MUC5AC: variants seen among roughly 807,000 people sequenced by gnomAD.
MUC5AC encodes the protein mucin 5AC, oligomeric mucus/gel-forming.
Under a neutral mutation model 169.7 loss-of-function variants are expected in MUC5AC, and 158 were observed. The ratio of observed to expected loss-of-function variants is 0.93; its 90% CI spans 0.82 to 1.06. MUC5AC has a LOEUF of 1.06. MUC5AC is among the 50% of genes least tolerant of loss of function. The pLI, the probability that MUC5AC is intolerant of heterozygous loss-of-function variation, is 0.00. For missense variants in MUC5AC, 4,359 were observed against 3,089.9 expected, an observed-to-expected ratio of 1.41 and a Z score of -9.74; for synonymous variants, 1,975 against 1,237.0, an observed-to-expected ratio of 1.60 and a Z score of -12.52.
rs1860950112 is a variant in MUC5AC at position 1,186,495 on chromosome 11, C to T, written c.8350C>T (p.Pro2784Ser). 2 of 694,894 alleles carry T rather than the reference C, an allele frequency of 2.9e-6. No homozygotes were observed. Among genetic ancestry groups the T allele is most frequent in the Non-Finnish European group, 5.3e-6 (2 of 380,656 alleles). 43.0% of individuals were successfully genotyped at this position (694,894 alleles called of 1,614,324 possible). ...SATTTSTISA[P>S]TTSTTLSPTT... is the part of the protein sequence containing the mutation. Reference sequence around the variant, plus strand: ...TACTACAACCAGCACAATCTCTGCCCCTACAACCAGCACAACTTTGTCTCC... The same window carrying T: ...TACTACAACCAGCACAATCTCTGCCTCTACAACCAGCACAACTTTGTCTCC... Residue 2784 changes from proline to serine, a missense_variant, in exon 31 of 49, where the codon CCT becomes TCT. Transcript: ENST00000621226.
intron 16 of MUC5AC, among the ~76,000 whole-genome samples, chr11:1,173,097 CTCACTCAT>C (rs1221897175): frequency 6.7e-5 from 9 of 133,566 alleles, no homozygotes; most frequent in East Asian, 2.1e-4. Context: ...CACTCACTCA[CTCACTCAT>C]TCATTCACTC....
Position 1,168,030 on chromosome 11 carries a change from G to T in MUC5AC, c.1497+43G>T, listed in dbSNP as rs937257949. On this transcript the variant is annotated intron_variant, in intron 12 of 48. Transcript: ENST00000621226. ...GGGCAAACCCCGGGAAGAGGGAAGG[G>T]GCCTGTCTCTTCTGCAAGTCACCTC... 4.0e-6 allele frequency: 6 copies of T among 1,494,830 alleles called. No homozygotes were observed. In the African/African-American group the frequency reaches 7.0e-5, roughly 17 times the overall value. The allele number at this position is 1,494,830 out of a possible 1,614,324, so 92.6% of individuals were successfully genotyped here.
In MUC5AC at chr11:1,188,985, C is replaced by T. The variant is rs1360970204; in HGVS notation, c.10840C>T (p.Arg3614Cys). ...CAAGATGTGCCTCAACTACGAGGTGCGTGTGCTTTGCTGCGAGACCCCCAA... is the reference window on the plus strand; with the variant it reads ...CAAGATGTGCCTCAACTACGAGGTGTGTGTGCTTTGCTGCGAGACCCCCAA... The part of the protein sequence containing the change: ...PFKMCLNYEV[R>C]VLCCETPKGC... The change falls in exon 31 of 49, where the codon CGT (arginine) becomes TGT (cysteine). Residue 3614 changes from arginine to cysteine, a missense_variant. Physicochemically the swap from Arg to Cys is radical, Grantham distance 180. Coordinates refer to ENST00000621226, the MANE Select transcript of MUC5AC (RefSeq NM_001304359.2). 37 of 686,868 alleles carry T rather than the reference C, an allele frequency of 5.4e-5. No homozygotes were observed. Among genetic ancestry groups the T allele is most frequent in the African/African-American group, 1.8e-4 (10 of 56,544 alleles). The allele number at this position is 686,868 out of a possible 1,614,324, so 42.5% of individuals were successfully genotyped here.
rs1457720391 is a variant in MUC5AC at position 1,177,539 on chromosome 11, T to C, written c.2993T>C (p.Met998Thr). 2.5e-6 allele frequency: 1 copy of C among 398,728 alleles called. No individual in the cohort carries two copies. Among genetic ancestry groups the C allele is most frequent in the Non-Finnish European group, 4.4e-6 (1 of 226,134 alleles). 24.7% of individuals were successfully genotyped at this position (398,728 alleles called of 1,614,324 possible). The change falls in exon 24 of 49, where the codon ATG becomes ACG. Residue 998 changes from methionine (M) to threonine (T), a missense_variant. Physicochemically the swap from Met to Thr is moderately conservative, Grantham distance 81. Transcript: ENST00000621226. ...SQEVPYTIRQ[M>T]GIYLVVDTDI... ...GAGGTGCCATACACCATCCGGCAGA[T>C]GGGCATCTACCTGGTGGTGGACACC... is the stretch of plus-strand genomic sequence containing the variant.
In MUC5AC at chr11:1,199,512, C is replaced by G. The variant is rs756819973; in HGVS notation, c.16515+22C>G. 2.7e-5 allele frequency: 19 copies of G among 703,740 alleles called. No homozygotes were observed. In the Admixed American group the frequency reaches 3.8e-4, roughly 14 times the overall value. The allele number at this position is 703,740 out of a possible 1,614,324, so 43.6% of individuals were successfully genotyped here. On this transcript the variant is annotated intron_variant, in intron 46 of 48. Transcript: ENST00000621226. ...TCTGGTGAGGTCCAGGATCCCCGCT[C>G]CAGCCAAGGGGGGCTTCACCCCTAG...
Position 1,187,556 on chromosome 11 carries a change from A to G in MUC5AC, c.9411A>G (p.Thr3137=). Residue 3137 remains threonine, a synonymous_variant, in exon 31 of 49, where the codon ACA becomes ACG. Transcript: ENST00000621226. ...CCACCAGCACAACCTCTCCTCCTAC[A>G]ACCAGCACAACTTCTGCCTCTACAG... The part of the protein sequence containing the change: ...IPTTSTTSPP[T]TSTTSASTAS... 1.3e-6 allele frequency: 1 copy of G among 751,754 alleles called. No homozygotes were observed. The highest frequency in any genetic ancestry group is 2.4e-6 in the Non-Finnish European group (1 of 411,798). 46.6% of individuals were successfully genotyped at this position (751,754 alleles called of 1,614,324 possible). A position where few individuals can be genotyped will look rare whatever the true frequency, so the allele number is the denominator to read the frequency against.
intron 15 of MUC5AC, 139 bp downstream of exon 15, chr11:1,169,165 C>G (rs1860423279): frequency 3.5e-6 from 5 of 1,408,732 alleles, no homozygotes; most frequent in Non-Finnish European, 4.6e-6. Flanking sequence ...GGCCCAAGGA[C>G]AGGCTCATGG....
chr11:1,179,093 T>G lies in MUC5AC; in HGVS notation c.3329T>G (p.Val1110Gly). 3 of 555,898 alleles carry G rather than the reference T, an allele frequency of 5.4e-6. No homozygotes were observed. Among genetic ancestry groups the G allele is most frequent in the Middle Eastern group, 4.2e-4 (1 of 2,404 alleles). 34.4% of individuals were successfully genotyped at this position (555,898 alleles called of 1,614,324 possible). A position where few individuals can be genotyped will look rare whatever the true frequency, so the allele number is the denominator to read the frequency against. ...AACCTGAAGCCCCGTCTCCCTCAGG[T>G]GGAGCCGGCCAGGTACTACGAGGCC... Reference protein sequence around the residue: ...GPTFAACHAHVEPARYYEACV... With the variant: ...GPTFAACHAHGEPARYYEACV... Residue 1110 changes from valine to glycine, a missense_variant and splice_region_variant, in exon 26 of 49, where the codon GTG (valine) becomes GGG (glycine). Physicochemically the swap from Val to Gly is moderately radical, Grantham distance 109. Coordinates refer to ENST00000621226, the MANE Select transcript of MUC5AC (RefSeq NM_001304359.2).
chr11:1,171,593 CCACT>C (rs1233336706), intron 15 of MUC5AC, among the ~76,000 whole-genome samples: 8 of 135,204 alleles, frequency 5.9e-5, no homozygotes, highest in Non-Finnish European at 9.5e-5. Context: ...ACCCACTCAC[CCACT>C]CACTCACCCA....
At chr11:1,158,140 T>C in intron 1 of MUC5AC, 68 bp downstream of exon 1, 6 of 1,414,534 alleles carry the variant, frequency 4.2e-6, no homozygotes, top group Non-Finnish European at 5.8e-6. Flanking sequence ...CTCAGGCAGC[T>C]CAGTCTTTGC....
intron 15 of MUC5AC, among the ~76,000 whole-genome samples, chr11:1,170,048 A>AT (rs1860456171): frequency 1.6e-5 from 2 of 122,172 alleles, no homozygotes; most frequent in South Asian, 2.9e-4. Flanking sequence ...TCACTCACCC[A>AT]TTGCCCACTC....
chr11:1,199,896 C>A lies in MUC5AC; in HGVS notation c.16627C>A (p.Gln5543Lys), dbSNP rs1258606624. 1.3e-6 allele frequency: 1 copy of A among 764,638 alleles called. No individual in the cohort carries two copies. The highest frequency in any genetic ancestry group is 1.3e-5 in the South Asian group (1 of 74,500). 47.4% of individuals were successfully genotyped at this position (764,638 alleles called of 1,614,324 possible). Residue 5543 changes from glutamine to lysine, a missense_variant, in exon 48 of 49, where the codon CAG becomes AAG. By Grantham distance (53) the Gln-to-Lys change is moderately conservative. Coordinates refer to ENST00000621226, the MANE Select transcript of MUC5AC (RefSeq NM_001304359.2). ...GTACCATAGGAGCCTGATCATCCAGCAGCAGGGCTGCAGCTCCTCGGAGCC... is the reference window on the plus strand; with the variant it reads ...GTACCATAGGAGCCTGATCATCCAGAAGCAGGGCTGCAGCTCCTCGGAGCC... ...AVYHRSLIIQQQGCSSSEPVR... is the reference protein window; with the variant it reads ...AVYHRSLIIQKQGCSSSEPVR...
chr11:1,185,373 A>G lies in MUC5AC; in HGVS notation c.7228A>G (p.Thr2410Ala). 2.8e-6 allele frequency: 2 copies of G among 719,860 alleles called. No individual in the cohort carries two copies. The highest frequency in any genetic ancestry group is 1.4e-5 in the South Asian group (1 of 69,494). The allele number at this position is 719,860 out of a possible 1,614,324, so 44.6% of individuals were successfully genotyped here. ...PTTSTTSATTTSTTSAPTTST... is the reference protein window; with the variant it reads ...PTTSTTSATTASTTSAPTTST... Reference sequence around the variant, plus strand: ...CACCAGCACAACCTCTGCCACTACAACCAGCACAACCTCAGCTCCTACAAC... The same window carrying G: ...CACCAGCACAACCTCTGCCACTACAGCCAGCACAACCTCAGCTCCTACAAC... Residue 2410 changes from threonine (T) to alanine (A), a missense_variant, in exon 31 of 49, where the codon ACC (threonine) becomes GCC (alanine). Coordinates refer to ENST00000621226, the MANE Select transcript of MUC5AC (RefSeq NM_001304359.2).
chr11:1,188,804 T>A lies in MUC5AC; in HGVS notation c.10659T>A (p.Ser3553Arg), dbSNP rs1861015436. Reference sequence around the variant, plus strand: ...AAACCTACAACAACATCATCAGGAGTGGGGAAAAAATCTGCCGCCGACCTG... The same window carrying A: ...AAACCTACAACAACATCATCAGGAGAGGGGAAAAAATCTGCCGCCGACCTG... ...DKETYNNIIR[S>R]GEKICRRPEE... Residue 3553 changes from serine (S) to arginine (R), a missense_variant, in exon 31 of 49, where the codon AGT becomes AGA. By Grantham distance (110) the Ser-to-Arg change is moderately radical. Transcript: ENST00000621226. 1.3e-6 allele frequency: 1 copy of A among 751,608 alleles called. No individual in the cohort carries two copies. Among genetic ancestry groups the A allele is most frequent in the African/African-American group, 1.7e-5 (1 of 58,424 alleles). 46.6% of individuals were successfully genotyped at this position (751,608 alleles called of 1,614,324 possible).
chr11:1,171,594 CACTCACTCACCCATTCACCCACTCACGA>C (rs1860540660), intron 15 of MUC5AC, among the ~76,000 whole-genome samples: 3 of 141,390 alleles, frequency 2.1e-5, no homozygotes, highest in Admixed American at 7.1e-5. Flanking sequence ...CCCACTCACC[CACTCACTCACCCATTCACCCACTCACGA>C]ACTCACTCAC....
At chr11:1,162,251 G>T in intron 4 of MUC5AC, 83 bp downstream of exon 4, 1 of 1,531,578 alleles carries the variant, frequency 6.5e-7, no homozygotes. Flanking sequence ...CGCGGTCCTG[G>T]GAGGGATGTG....
Position 1,185,360 on chromosome 11 carries a change from C to A in MUC5AC, c.7215C>A (p.Thr2405=). 2 of 721,114 alleles carry A rather than the reference C, an allele frequency of 2.8e-6. No homozygotes were observed. Among genetic ancestry groups the A allele is most frequent in the Admixed American group, 1.9e-5 (1 of 52,648 alleles). 44.7% of individuals were successfully genotyped at this position (721,114 alleles called of 1,614,324 possible). Residue 2405 remains threonine (T), a synonymous_variant, in exon 31 of 49, where the codon ACC becomes ACA. Coordinates refer to ENST00000621226, the MANE Select transcript of MUC5AC (RefSeq NM_001304359.2). ...TPSPVPTTST[T]SATTTSTTSA... is the part of the protein sequence containing the mutation. The stretch of plus-strand genomic sequence containing the variant: ...GCCCTGTTCCTACCACCAGCACAAC[C>A]TCTGCCACTACAACCAGCACAACCT...
rs529027526 is a variant in MUC5AC, at chr11:1,196,988, A to C, written c.15861+80A>C. On this transcript the variant is annotated intron_variant, in intron 40 of 48. Coordinates refer to ENST00000621226, the MANE Select transcript of MUC5AC (RefSeq NM_001304359.2). Reference sequence around the variant, plus strand: ...AGGCTCTTGAAACACCGGCCCCAGAAATGGTCAGGTGGGGCTCAGGGGTCG... The same window carrying C: ...AGGCTCTTGAAACACCGGCCCCAGACATGGTCAGGTGGGGCTCAGGGGTCG... The C allele has an allele frequency of 7.3e-4, 518 of 713,120 alleles. 2 individuals are homozygous for C. The African/African-American group carries it at 8.4e-3, about 12-fold the overall frequency. 44.2% of individuals were successfully genotyped at this position (713,120 alleles called of 1,614,324 possible).
Position 1,192,568 on chromosome 11 carries a change from G to T in MUC5AC, c.14380+43G>T, listed in dbSNP as rs1411302903. 4.0e-6 allele frequency: 3 copies of T among 752,662 alleles called. No homozygotes were observed. In the Admixed American group the frequency reaches 5.1e-5, roughly 13 times the overall value. The allele number at this position is 752,662 out of a possible 1,614,324, so 46.6% of individuals were successfully genotyped here. A position where few individuals can be genotyped will look rare whatever the true frequency, so the allele number is the denominator to read the frequency against. ...GTGCAATTGTTTCTGAGCTCACCCT[G>T]GTCAGTTTTTTATCCAGGAACGCCA... On this transcript the variant is annotated intron_variant, in intron 31 of 48. Coordinates refer to ENST00000621226, the MANE Select transcript of MUC5AC (RefSeq NM_001304359.2).
Sources: allele counts gnomAD v4.1 joint callset (sites outside exome capture counted in the v4.1 genomes callset), GRCh38; gene constraint gnomAD v4.1.1; transcripts MANE v1.5; gene names NCBI Gene and HGNC (gene_info 2026-07-23, HGNC 2026-07-21).